Variants in DOCK1 observed in about 807,000 individuals in gnomAD.
The protein encoded by DOCK1 is dedicator of cytokinesis protein 1.
A neutral mutation model predicts 262.7 loss-of-function variants in DOCK1; 138 were observed. The ratio of observed to expected loss-of-function variants is 0.53; its 90% CI spans 0.46 to 0.61. The LOEUF (loss-of-function observed/expected upper bound fraction) is 0.61, where lower values mean the gene tolerates loss of function less well. DOCK1 is among the 20% of genes least tolerant of loss of function. DOCK1 has a pLI of 0.00. For missense variants in DOCK1, 1,908 were observed against 2,370.7 expected, an observed-to-expected ratio of 0.80 and a Z score of 4.05; for synonymous variants, 866 against 867.4, an observed-to-expected ratio of 1.00 and a Z score of 0.03.
Position 127,080,370 on chromosome 10 carries a change from A to T in DOCK1, c.2445+18594A>T, listed in dbSNP as rs149785272. ...AATGAGTAGCATTTCATCTTTTGGA[A>T]ATTTATCATTCTTCAGACTTTTCAC... On this transcript the variant is annotated intron_variant, in intron 23 of 51. Coordinates refer to ENST00000623213, the MANE Select transcript of DOCK1 (RefSeq NM_001290223.2). 2.4e-4 allele frequency among the ~76,000 whole-genome samples: 37 copies of T among 152,214 alleles called. No homozygotes were observed. The East Asian group carries it at 6.6e-3, about 27-fold the overall frequency.
intron 27 of DOCK1, among the ~76,000 whole-genome samples, chr10:127,131,339 C>T (rs1332447818): frequency 6.6e-6 from 1 of 152,090 alleles, no homozygotes; most frequent in African/African-American, 2.4e-5. Context: ...AAACGGACTC[C>T]TCCCAATTCC....
At chr10:127,305,332 A>G (rs2061834806) in intron 29 of DOCK1, among the ~76,000 whole-genome samples, 1 of 152,216 alleles carries the variant, frequency 6.6e-6, no homozygotes, top group Non-Finnish European at 1.5e-5. Flanking sequence ...GTCGGGCAGA[A>G]GAGTCCAGGT....
chr10:127,097,497 T>A (rs1564800862), intron 23 of DOCK1, among the ~76,000 whole-genome samples: 2 of 152,170 alleles, frequency 1.3e-5, no homozygotes, highest in South Asian at 4.1e-4. Context: ...CATTTGGTGG[T>A]AATTTCAGTT....
chr10:127,035,870 C>T (rs531302324), intron 18 of DOCK1, among the ~76,000 whole-genome samples: 6 of 152,032 alleles, frequency 3.9e-5, no homozygotes, highest in East Asian at 1.9e-4. Context: ...TGCATGGTGG[C>T]GTGCACCTGT....
chr10:127,429,088 G>GTGACGTGTGGATTGGGA (rs1565085687), intron 47 of DOCK1, among the ~76,000 whole-genome samples: 1 of 151,002 alleles, frequency 6.6e-6, no homozygotes, highest in Non-Finnish European at 1.5e-5. Context: ...GTGGATTGGG[G>GTGACGTGTGGATTGGGA]TGCCGTGTGG....
chr10:126,923,126 T>A (rs1440000136), intron 1 of DOCK1, among the ~76,000 whole-genome samples: 1 of 152,016 alleles, frequency 6.6e-6, no homozygotes, highest in African/African-American at 2.4e-5. Context: ...TAAAATAGAA[T>A]AAAAGATGGG....
intron 1 of DOCK1, among the ~76,000 whole-genome samples, chr10:126,933,351 G>A (rs1384932956): frequency 2.0e-5 from 3 of 152,188 alleles, no homozygotes; most frequent in Admixed American, 2.0e-4. Flanking sequence ...AAATGATACT[G>A]TCTGTCCTTA....
Position 127,073,708 on chromosome 10 carries a change from A to G in DOCK1, c.2445+11932A>G, listed in dbSNP as rs568694638. Among the ~76,000 whole-genome samples the G allele has an allele frequency of 7.9e-4, 121 of 152,388 alleles. 2 individuals are homozygous for G. The Middle Eastern group carries it at 0.02, about 26-fold the overall frequency. On this transcript the variant is annotated intron_variant, in intron 23 of 51. Coordinates refer to ENST00000623213, the MANE Select transcript of DOCK1 (RefSeq NM_001290223.2). ...AACCATCGTTAACCTTCTTTTAAGC[A>G]GGAGGCTATCCCTGAAAGGAAAAGA...
At chr10:127,117,007 C>T (rs1046109914) in intron 25 of DOCK1, among the ~76,000 whole-genome samples, 1 of 152,120 alleles carries the variant, frequency 6.6e-6, no homozygotes, top group African/African-American at 2.4e-5. Context: ...TTTTTCATCC[C>T]TCATTCTGTA....
intron 21 of DOCK1, among the ~76,000 whole-genome samples, chr10:127,048,168 A>C (rs999870334): frequency 1.3e-5 from 2 of 152,316 alleles, no homozygotes; most frequent in Admixed American, 1.3e-4. Context: ...TATCCTCATC[A>C]ACATTTAGTA....
intron 27 of DOCK1, among the ~76,000 whole-genome samples, chr10:127,227,805 C>A (rs2058698275): frequency 6.6e-6 from 1 of 152,144 alleles, no homozygotes. Context: ...TGACTTTTGC[C>A]CCTTCTGCTG....
At chr10:126,994,460 C>G (rs1208938777) in intron 6 of DOCK1, among the ~76,000 whole-genome samples, 2 of 152,150 alleles carry the variant, frequency 1.3e-5, no homozygotes, top group East Asian at 3.9e-4. Context: ...AGGCAGAGGA[C>G]CCTGCGGCCT....
chr10:127,376,327 T>C (rs1347291575), intron 35 of DOCK1, among the ~76,000 whole-genome samples: 3 of 152,220 alleles, frequency 2.0e-5, no homozygotes, highest in Non-Finnish European at 4.4e-5. Context: ...ACAGAATCTG[T>C]GGACTTGAAA....
chr10:127,035,767 T>G (rs1471637048), intron 18 of DOCK1, among the ~76,000 whole-genome samples: 1 of 151,998 alleles, frequency 6.6e-6, no homozygotes, highest in Non-Finnish European at 1.5e-5. Flanking sequence ...CCCAGCACTT[T>G]GGGAGGCTGA....
chr10:127,085,862 C>T (rs1020244009), intron 23 of DOCK1, among the ~76,000 whole-genome samples: 4 of 152,116 alleles, frequency 2.6e-5, no homozygotes, highest in Non-Finnish European at 4.4e-5. Flanking sequence ...TATTATTTTT[C>T]ACCATTTTTC....
chr10:127,136,800 A>G (rs964417598), intron 27 of DOCK1: 1 of 152,588 alleles, frequency 6.6e-6, no homozygotes, highest in African/African-American at 2.4e-5. Context: ...GCTAAACTAA[A>G]CGCACTGTTT....
At chr10:126,963,107 A>G (rs1279531765) in intron 1 of DOCK1, among the ~76,000 whole-genome samples, 2 of 152,172 alleles carry the variant, frequency 1.3e-5, no homozygotes, top group Non-Finnish European at 2.9e-5. Context: ...TGACAGTACT[A>G]CACTGTTTTG....
chr10:127,421,343 G>A (rs898886238), intron 46 of DOCK1, among the ~76,000 whole-genome samples: 5 of 152,130 alleles, frequency 3.3e-5, no homozygotes, highest in East Asian at 1.9e-4. Context: ...GCCAAGGTAC[G>A]AGTCCTCTTA....
At chr10:127,073,462 G>C (rs2046345792) in intron 23 of DOCK1, among the ~76,000 whole-genome samples, 1 of 152,218 alleles carries the variant, frequency 6.6e-6, no homozygotes, top group African/African-American at 2.4e-5. Flanking sequence ...TAGAAAGAAG[G>C]AAATTAATTG....
Sources: allele counts gnomAD v4.1 joint callset (sites outside exome capture counted in the v4.1 genomes callset), GRCh38; gene constraint gnomAD v4.1.1; transcripts MANE v1.5; gene names NCBI Gene and HGNC (gene_info 2026-07-23, HGNC 2026-07-21).